UBE2G1: variants seen among roughly 807,000 people sequenced by gnomAD.
The protein encoded by UBE2G1 is ubiquitin conjugating enzyme E2 G1, also known as ubiquitin-conjugating enzyme E2 G1.
A neutral mutation model predicts 22.7 loss-of-function variants in UBE2G1; 5 were observed. The observed-to-expected ratio is 0.22, with a 90% confidence interval of 0.12 to 0.46. The LOEUF is 0.46. Among genes scored for constraint, UBE2G1 ranks in the 20% least tolerant of loss-of-function variants. The probability of loss-of-function intolerance (pLI) is 0.99; values close to 1 mark genes in which losing one functional copy is unlikely to be tolerated. For missense variants in UBE2G1, 88 were observed against 203.9 expected, an observed-to-expected ratio of 0.43 and a Z score of 3.46; for synonymous variants, 74 against 67.5, an observed-to-expected ratio of 1.10 and a Z score of -0.47.
At chr17:4,343,846 C>T (rs183497056) in intron 1 of UBE2G1, among the ~76,000 whole-genome samples, 256 of 152,174 alleles carry the variant, frequency 1.7e-3, no homozygotes, top group Admixed American at 4.2e-3. Context: ...CTCATTCTCC[C>T]AAAGTGCTGG....
chr17:4,296,478 G>A (rs1196965481), intron 3 of UBE2G1, among the ~76,000 whole-genome samples: 1 of 152,074 alleles, frequency 6.6e-6, no homozygotes, highest in Non-Finnish European at 1.5e-5. Context: ...TGCCAGGCTG[G>A]TCTCCAACTC....
intron 1 of UBE2G1, among the ~76,000 whole-genome samples, chr17:4,333,533 G>A (rs953855647): frequency 6.6e-6 from 1 of 151,962 alleles, no homozygotes; most frequent in African/African-American, 2.4e-5. Context: ...AAAATTAGCT[G>A]GGCGCTGGCC....
chr17:4,357,215 C>CTA (rs1969915854), intron 1 of UBE2G1, among the ~76,000 whole-genome samples: 1 of 152,068 alleles, frequency 6.6e-6, no homozygotes, highest in African/African-American at 2.4e-5. Flanking sequence ...TCCCTCCTGC[C>CTA]TATCACTTAG....
intron 1 of UBE2G1, among the ~76,000 whole-genome samples, chr17:4,316,658 G>A (rs994543435): frequency 6.6e-6 from 1 of 152,028 alleles, no homozygotes; most frequent in Non-Finnish European, 1.5e-5. Flanking sequence ...TTTGTACCAC[G>A]ACACGGGCTA....
intron 1 of UBE2G1, among the ~76,000 whole-genome samples, chr17:4,358,518 T>C (rs983994722): frequency 2.6e-5 from 4 of 152,162 alleles, no homozygotes; most frequent in African/African-American, 4.8e-5. Flanking sequence ...TTGCCAGATA[T>C]GTGATTTGCA....
At chr17:4,286,262 A>G (rs984142329) in intron 4 of UBE2G1, among the ~76,000 whole-genome samples, 2 of 151,430 alleles carry the variant, frequency 1.3e-5, no homozygotes, top group Non-Finnish European at 1.5e-5. Context: ...AAAATTAGCC[A>G]GGCGTGGTGG....
intron 1 of UBE2G1, among the ~76,000 whole-genome samples, chr17:4,365,849 G>A (rs1303239766): frequency 2.0e-5 from 3 of 152,176 alleles, no homozygotes; most frequent in African/African-American, 7.2e-5. Flanking sequence ...CACCGAGCCG[G>A]GGACTCGCAG....
intron 1 of UBE2G1, among the ~76,000 whole-genome samples, chr17:4,351,030 CAA>C (rs796508050): frequency 1.1e-3 from 119 of 109,710 alleles, no homozygotes; most frequent in Admixed American, 1.7e-3. Context: ...AAGACTTCGT[CAA>C]AAAAAAAAAA....
intron 1 of UBE2G1, among the ~76,000 whole-genome samples, chr17:4,326,597 G>T (rs1236859255): frequency 6.6e-6 from 1 of 152,158 alleles, no homozygotes; most frequent in Non-Finnish European, 1.5e-5. Flanking sequence ...ATATGCAAAA[G>T]AATTAAAGCA....
chr17:4,347,846 T>C (rs1226841071), intron 1 of UBE2G1, among the ~76,000 whole-genome samples: 1 of 152,114 alleles, frequency 6.6e-6, no homozygotes, highest in Non-Finnish European at 1.5e-5. Flanking sequence ...TCTATTATAA[T>C]TGTTTTGGGG....
At chr17:4,328,400 G>A (rs1598195886) in intron 1 of UBE2G1, among the ~76,000 whole-genome samples, 1 of 152,298 alleles carries the variant, frequency 6.6e-6, no homozygotes, top group South Asian at 2.1e-4. Flanking sequence ...TACAAAAAAA[G>A]TTCTTCCCTT....
intron 1 of UBE2G1, among the ~76,000 whole-genome samples, chr17:4,349,447 A>C (rs1187337756): frequency 6.6e-6 from 1 of 152,208 alleles, no homozygotes; most frequent in African/African-American, 2.4e-5. Context: ...AGAACTTAAA[A>C]CAAATGGAAC....
At chr17:4,344,368 G>A (rs1033521933) in intron 1 of UBE2G1, among the ~76,000 whole-genome samples, 10 of 151,980 alleles carry the variant, frequency 6.6e-5, no homozygotes, top group African/African-American at 1.9e-4. Flanking sequence ...GTGAAACCCC[G>A]TCTCTACTAA....
intron 1 of UBE2G1, among the ~76,000 whole-genome samples, chr17:4,325,968 T>G (rs191295845): frequency 6.6e-6 from 1 of 152,136 alleles, no homozygotes; most frequent in Non-Finnish European, 1.5e-5. Flanking sequence ...AAAATAACTC[T>G]AAATGAACTG....
intron 4 of UBE2G1, among the ~76,000 whole-genome samples, chr17:4,283,478 C>T (rs758334944): frequency 1.3e-4 from 19 of 151,984 alleles, no homozygotes; most frequent in Admixed American, 4.6e-4. Context: ...GCAGCCTGGA[C>T]GACAGAGCGA....
At chr17:4,315,533 G>C (rs190437346) in intron 1 of UBE2G1, among the ~76,000 whole-genome samples, 1 of 151,940 alleles carries the variant, frequency 6.6e-6, no homozygotes, top group East Asian at 2.0e-4. Flanking sequence ...GAGGTCAGGA[G>C]ATGGAGACCA....
chr17:4,356,477 C>T (rs942877088), intron 1 of UBE2G1, among the ~76,000 whole-genome samples: 1 of 152,250 alleles, frequency 6.6e-6, no homozygotes, highest in African/African-American at 2.4e-5. Context: ...CATCTCAATA[C>T]AACGGCATAT....
At chr17:4,365,597 C>G (rs981600052) in intron 1 of UBE2G1, among the ~76,000 whole-genome samples, 6 of 151,988 alleles carry the variant, frequency 3.9e-5, no homozygotes, top group Admixed American at 1.3e-4. Context: ...CGGCTCTCCC[C>G]GCGGCCCGCT....
At chr17:4,332,331 CA>C (rs911942173) in intron 1 of UBE2G1, among the ~76,000 whole-genome samples, 2 of 152,002 alleles carry the variant, frequency 1.3e-5, no homozygotes, top group Admixed American at 1.3e-4. Context: ...TTTTTCCTAA[CA>C]GAAACAAAAA....
Sources: allele counts gnomAD v4.1 joint callset (sites outside exome capture counted in the v4.1 genomes callset), GRCh38; gene constraint gnomAD v4.1.1; transcripts MANE v1.5; gene names NCBI Gene and HGNC (gene_info 2026-07-23, HGNC 2026-07-21).